The following KCNH7 variants were observed in gnomAD, a reference collection of about 807,000 sequenced individuals.
KCNH7 encodes voltage-gated inwardly rectifying potassium channel KCNH7.
Under a neutral mutation model 120.8 loss-of-function variants are expected in KCNH7, and 49 were observed. The ratio of observed to expected loss-of-function variants is 0.41; its 90% CI spans 0.32 to 0.51. KCNH7 has a LOEUF of 0.51. Ranked by LOEUF, KCNH7 falls within the 20% of genes least tolerant of loss-of-function variation. The pLI is 0.38. For missense variants in KCNH7, 1,097 were observed against 1,446.6 expected, an observed-to-expected ratio of 0.76 and a Z score of 3.92; for synonymous variants, 547 against 516.1, an observed-to-expected ratio of 1.06 and a Z score of -0.81.
intron 2 of KCNH7, among the ~76,000 whole-genome samples, chr2:162,613,966 T>A (rs1183377794): frequency 6.6e-6 from 1 of 151,070 alleles, no homozygotes; most frequent in African/African-American, 2.4e-5. Context: ...TTTTTTTTTT[T>A]AATATAAACA....
At chr2:162,757,171 T>C (rs1012205178) in intron 2 of KCNH7, among the ~76,000 whole-genome samples, 3 of 152,190 alleles carry the variant, frequency 2.0e-5, no homozygotes, top group Non-Finnish European at 4.4e-5. Flanking sequence ...TGTTAAAAAA[T>C]GTGGAATAAA....
chr2:162,507,649 T>A (rs1690928362), intron 5 of KCNH7, among the ~76,000 whole-genome samples: 1 of 151,640 alleles, frequency 6.6e-6, no homozygotes, highest in African/African-American at 2.4e-5. Context: ...GATTTCTTTC[T>A]TCTGTGCAAT....
chr2:162,523,389 A>G (rs1691596626), intron 3 of KCNH7, among the ~76,000 whole-genome samples: 2 of 151,910 alleles, frequency 1.3e-5, no homozygotes. Context: ...TTGCTTACAT[A>G]TATGTGCTAG....
At chr2:162,478,385 A>C (rs1689816747) in intron 6 of KCNH7, among the ~76,000 whole-genome samples, 2 of 152,304 alleles carry the variant, frequency 1.3e-5, no homozygotes, top group Admixed American at 1.3e-4. Flanking sequence ...GTCAGGGGGC[A>C]CCATGTATTA....
intron 2 of KCNH7, among the ~76,000 whole-genome samples, chr2:162,677,234 T>C (rs545104969): frequency 2.2e-4 from 34 of 151,698 alleles, no homozygotes; most frequent in African/African-American, 7.9e-4. Flanking sequence ...CATTGATTCA[T>C]ACGCATTTTG....
At chr2:162,625,402 T>A (rs1683517006) in intron 2 of KCNH7, among the ~76,000 whole-genome samples, 1 of 152,192 alleles carries the variant, frequency 6.6e-6, no homozygotes. Flanking sequence ...ACCCAGTATG[T>A]GATCAGTCTT....
intron 2 of KCNH7, among the ~76,000 whole-genome samples, chr2:162,807,280 A>AAAAAAAAAAAAC (rs1559143095): frequency 4.8e-5 from 7 of 144,552 alleles, no homozygotes; most frequent in Non-Finnish European, 7.6e-5. Context: ...AAAAAAAAAA[A>AAAAAAAAAAAAC]AAACAAATTA....
chr2:162,681,140 A>G (rs1685696399), intron 2 of KCNH7, among the ~76,000 whole-genome samples: 1 of 146,598 alleles, frequency 6.8e-6, no homozygotes, highest in Non-Finnish European at 1.5e-5. Flanking sequence ...TTATTAAAAC[A>G]AGAGAGGCAA....
chr2:162,582,473 G>A (rs1048300312), intron 2 of KCNH7, among the ~76,000 whole-genome samples: 6 of 152,038 alleles, frequency 3.9e-5, no homozygotes, highest in African/African-American at 1.2e-4. Flanking sequence ...TCCATGACTC[G>A]GTTGAGACTT....
At chr2:162,602,986 T>C (rs1386403739) in intron 2 of KCNH7, among the ~76,000 whole-genome samples, 3 of 149,898 alleles carry the variant, frequency 2.0e-5, no homozygotes, top group Admixed American at 1.3e-4. Flanking sequence ...CAGAATAACA[T>C]TGAGTTTAGT....
intron 6 of KCNH7, among the ~76,000 whole-genome samples, chr2:162,457,775 T>G (rs1284340333): frequency 6.6e-6 from 1 of 152,148 alleles, no homozygotes; most frequent in Non-Finnish European, 1.5e-5. Context: ...CTAGCTGTAT[T>G]TTTATCTATC....
intron 2 of KCNH7, among the ~76,000 whole-genome samples, chr2:162,618,519 A>G (rs1225836896): frequency 1.3e-5 from 2 of 152,180 alleles, no homozygotes; most frequent in Admixed American, 1.3e-4. Flanking sequence ...AACCCCAAGT[A>G]CTGATTTGAA....
At chr2:162,607,454 G>C (rs998466026) in intron 2 of KCNH7, among the ~76,000 whole-genome samples, 4 of 151,804 alleles carry the variant, frequency 2.6e-5, no homozygotes, top group African/African-American at 9.7e-5. Flanking sequence ...TTTGTTGGTG[G>C]TGGGACTAAA....
intron 2 of KCNH7, among the ~76,000 whole-genome samples, chr2:162,791,467 T>A (rs1213108132): frequency 6.6e-6 from 1 of 152,120 alleles, no homozygotes; most frequent in Non-Finnish European, 1.5e-5. Flanking sequence ...CTTTGAGCAG[T>A]GTTTTGTGGT....
At chr2:162,637,170 G>C (rs1361943022) in intron 2 of KCNH7, among the ~76,000 whole-genome samples, 1 of 152,096 alleles carries the variant, frequency 6.6e-6, no homozygotes, top group East Asian at 1.9e-4. Flanking sequence ...CATGTTAATG[G>C]TTAGGGGAAT....
At chr2:162,779,068 A>C (rs1341953644) in intron 2 of KCNH7, among the ~76,000 whole-genome samples, 3 of 151,200 alleles carry the variant, frequency 2.0e-5, no homozygotes, top group African/African-American at 7.3e-5. Context: ...TATAATATTC[A>C]GTTTAATTTG....
At chr2:162,589,904 T>C (rs1238824644) in intron 2 of KCNH7, among the ~76,000 whole-genome samples, 1 of 152,108 alleles carries the variant, frequency 6.6e-6, no homozygotes, top group East Asian at 1.9e-4. Context: ...CCTTAAACAG[T>C]TATGTTCTTG....
chr2:162,571,054 G>C (rs1693454789), intron 2 of KCNH7, among the ~76,000 whole-genome samples: 1 of 151,894 alleles, frequency 6.6e-6, no homozygotes, highest in Non-Finnish European at 1.5e-5. Flanking sequence ...AGGGCAATTA[G>C]GCAGGAGAAG....
intron 2 of KCNH7, among the ~76,000 whole-genome samples, chr2:162,588,869 A>G (rs1262294187): frequency 1.3e-5 from 2 of 152,052 alleles, no homozygotes; most frequent in South Asian, 2.1e-4. Context: ...ACAAAATCCA[A>G]TAATGGTATT....
Sources: gnomAD v4.1 joint callset for allele counts (sites outside exome capture counted in the v4.1 genomes callset) on GRCh38, gnomAD v4.1.1 for gene constraint, MANE v1.5 for transcripts, NCBI Gene and HGNC (gene_info 2026-07-23, HGNC 2026-07-21) for gene names.